The following ADCY9 variants were observed in gnomAD, a reference collection of about 807,000 sequenced individuals.
ADCY9 encodes the protein adenylate cyclase 9.
In ADCY9, 50 loss-of-function variants were observed where a neutral mutation model predicts 101.5. That is an observed-to-expected ratio of 0.49 (90% CI 0.39 to 0.62). ADCY9 has a LOEUF of 0.62. Ranked by LOEUF, ADCY9 falls within the 20% of genes least tolerant of loss-of-function variation. ADCY9 has a pLI of 0.00. For missense variants in ADCY9, 1,662 were observed against 1,800.4 expected (o/e 0.92, Z 1.39); for synonymous variants, 905 against 769.3 (o/e 1.18, Z -2.92).
Position 4,113,795 on chromosome 16 carries a change from CT to C in ADCY9, c.1647del (p.Val550LeufsTer14). ...LDDRYEMEDG[K>X]VIERLGQSVV... ...ACGCTCTGGCCCAGCCGTTCAATAA[CT>C]TTCCCATCTTCCATTTCGTACCGGT... On this transcript the variant is annotated frameshift_variant, in exon 2 of 11. Coordinates refer to ENST00000294016, the MANE Select transcript of ADCY9 (RefSeq NM_001116.4). LOFTEE classifies it high-confidence loss of function. 6.2e-7 allele frequency: 1 copy of C among 1,614,096 alleles called. No homozygotes were observed. The highest frequency in any genetic ancestry group is 8.5e-7 in the Non-Finnish European group (1 of 1,179,990).
intron 2 of ADCY9, among the ~76,000 whole-genome samples, chr16:4,078,405 A>T (rs1429606998): frequency 6.6e-6 from 1 of 152,008 alleles, no homozygotes; most frequent in Non-Finnish European, 1.5e-5. Context: ...TCTACAAAAT[A>T]CTTAAAAATT....
intron 2 of ADCY9, among the ~76,000 whole-genome samples, chr16:4,013,379 C>G (rs2056416810): frequency 6.6e-6 from 1 of 151,972 alleles, no homozygotes; most frequent in Non-Finnish European, 1.5e-5. Flanking sequence ...TGAGATCGTG[C>G]CATTGCACTT....
chr16:3,953,795 T>C (rs991438711), intron 5 of ADCY9, among the ~76,000 whole-genome samples: 2 of 152,220 alleles, frequency 1.3e-5, no homozygotes, highest in African/African-American at 4.8e-5. Flanking sequence ...GTCACCCCTT[T>C]GCAGCCATCC....
chr16:4,060,659 CA>C (rs1261328535), intron 2 of ADCY9, among the ~76,000 whole-genome samples: 1 of 152,114 alleles, frequency 6.6e-6, no homozygotes, highest in Non-Finnish European at 1.5e-5. Flanking sequence ...GGATCATCAG[CA>C]GCTGCTACAG....
intron 2 of ADCY9, among the ~76,000 whole-genome samples, chr16:4,110,235 G>A (rs1048996502): frequency 5.9e-5 from 9 of 152,238 alleles, no homozygotes; most frequent in African/African-American, 2.2e-4. Context: ...ATTCAAGGGT[G>A]AGCCGGTGGC....
At chr16:3,976,474 GCCTC>G (rs752091986) in intron 9 of ADCY9, among the ~76,000 whole-genome samples, 71 of 152,086 alleles carry the variant, frequency 4.7e-4, no homozygotes, top group Non-Finnish European at 8.5e-4. Context: ...AGGTCTACCG[GCCTC>G]CCTGACTCCT....
At chr16:4,011,536 G>A (rs777649238) in intron 2 of ADCY9, among the ~76,000 whole-genome samples, 1 of 152,232 alleles carries the variant, frequency 6.6e-6, no homozygotes, top group Non-Finnish European at 1.5e-5. Flanking sequence ...ACAAACTGCT[G>A]GCGAGAGGCA....
intron 2 of ADCY9, among the ~76,000 whole-genome samples, chr16:4,040,402 G>A (rs2141765992): frequency 6.6e-6 from 1 of 151,338 alleles, no homozygotes; most frequent in African/African-American, 2.4e-5. Context: ...ATATTTCCTG[G>A]TTTCCTCTTC....
At chr16:4,040,702 C>T (rs1401722463) in intron 2 of ADCY9, among the ~76,000 whole-genome samples, 1 of 152,138 alleles carries the variant, frequency 6.6e-6, no homozygotes, top group Non-Finnish European at 1.5e-5. Context: ...GGTGATCCAC[C>T]CGCCTTGGCC....
rs747380649 is a variant in ADCY9, at chr16:3,992,509, C to A, written c.1990-146G>T. ...CTGACCTGCGAGGAACCCCCACCCCCCTGCGCCTACAGACCTGCTCCAATC... is the reference window on the plus strand; with the variant it reads ...CTGACCTGCGAGGAACCCCCACCCCACTGCGCCTACAGACCTGCTCCAATC... On this transcript the variant is annotated intron_variant, in intron 4 of 10. Transcript: ENST00000294016. This position sits in a 1 kb window ranked among gnomAD's most constrained non-coding sequence, Gnocchi z 4.2. 5 of 709,556 alleles carry A rather than the reference C, an allele frequency of 7.0e-6. No individual in the cohort carries two copies. The highest frequency in any genetic ancestry group is 1.2e-5 in the Non-Finnish European group (5 of 431,234). The allele number at this position is 709,556 out of a possible 1,614,324, so 44.0% of individuals were successfully genotyped here.
chr16:3,979,791 G>C (rs749334578), intron 7 of ADCY9, among the ~76,000 whole-genome samples: 1 of 152,244 alleles, frequency 6.6e-6, no homozygotes, highest in Admixed American at 6.5e-5. Flanking sequence ...GGGAGGTTCT[G>C]CCCTGCACCC....
chr16:4,066,933 C>G lies in ADCY9; in HGVS notation c.1693+46817G>C, dbSNP rs192152795. Reference sequence around the variant, plus strand: ...TTTACTTTTCCATAAATTTCAAATGCTCTTCAGATGAAGGAAACATTCATC... The same window carrying G: ...TTTACTTTTCCATAAATTTCAAATGGTCTTCAGATGAAGGAAACATTCATC... On this transcript the variant is annotated intron_variant, in intron 2 of 10. Transcript: ENST00000294016. 1.5e-3 allele frequency among the ~76,000 whole-genome samples: 225 copies of G among 152,294 alleles called. 1 individual carries two copies. Among genetic ancestry groups the G allele is most frequent in the African/African-American group, 5.1e-3 (214 of 41,558 alleles).
chr16:4,028,183 G>T (rs541951459), intron 2 of ADCY9, among the ~76,000 whole-genome samples: 12 of 152,208 alleles, frequency 7.9e-5, no homozygotes, highest in African/African-American at 2.2e-4. Context: ...TATAGCAAGA[G>T]AAAAAAGTCA....
At chr16:4,094,897 G>T (rs41336654) in intron 2 of ADCY9, among the ~76,000 whole-genome samples, 3 of 152,002 alleles carry the variant, frequency 2.0e-5, no homozygotes, top group Admixed American at 1.3e-4. Flanking sequence ...CCACATCAGG[G>T]ATTTTAAGAG....
chr16:4,039,027 G>T (rs1348312085), intron 2 of ADCY9, among the ~76,000 whole-genome samples: 1 of 152,152 alleles, frequency 6.6e-6, no homozygotes, highest in Non-Finnish European at 1.5e-5. Flanking sequence ...AAGATTTAGA[G>T]AATACGGATT....
chr16:4,115,519 C>T lies in ADCY9; in HGVS notation c.-43-34G>A. 1 of 1,452,684 alleles carries T rather than the reference C, an allele frequency of 6.9e-7. No homozygotes were observed. Among genetic ancestry groups the T allele is most frequent in the Non-Finnish European group, 9.1e-7 (1 of 1,103,836 alleles). The allele number at this position is 1,452,684 out of a possible 1,614,324, so 90.0% of individuals were successfully genotyped here. A position where few individuals can be genotyped will look rare whatever the true frequency, so the allele number is the denominator to read the frequency against. ...AAAACGGGGAGAGTTAGCGGCGCTC[C>T]CACCTAGGCATGCACGCCTAGAGGC... On this transcript the variant is annotated intron_variant, in intron 1 of 10. Coordinates refer to ENST00000294016, the MANE Select transcript of ADCY9 (RefSeq NM_001116.4). This position sits in a 1 kb window ranked among gnomAD's most constrained non-coding sequence, Gnocchi z 6.2.
chr16:4,111,462 G>T (rs2057113504), intron 2 of ADCY9, among the ~76,000 whole-genome samples: 1 of 152,136 alleles, frequency 6.6e-6, no homozygotes, highest in African/African-American at 2.4e-5. Context: ...AAAGGCAGAG[G>T]CTAAAATCGA....
chr16:3,969,609 T>TATATATACAC (rs1321798408), intron 10 of ADCY9, among the ~76,000 whole-genome samples: 1 of 94,938 alleles, frequency 1.1e-5, no homozygotes, highest in Non-Finnish European at 1.9e-5. Context: ...TATATATATA[T>TATATATACAC]GTATTTTTTT....
At chr16:4,027,073 A>G (rs892506786) in intron 2 of ADCY9, among the ~76,000 whole-genome samples, 1 of 152,118 alleles carries the variant, frequency 6.6e-6, no homozygotes, top group Admixed American at 6.6e-5. Context: ...CGCCTCCTGC[A>G]ACCAATCAGA....
Sources: gnomAD v4.1 joint callset for allele counts (sites outside exome capture counted in the v4.1 genomes callset) on GRCh38, gnomAD v4.1.1 for gene constraint, Gnocchi (gnomAD v3.1) non-coding constraint, MANE v1.5 for transcripts, NCBI Gene and HGNC (gene_info 2026-07-23, HGNC 2026-07-21) for gene names.